DUS2: variants seen among roughly 807,000 people sequenced by gnomAD.
DUS2 encodes dihydrouridine synthase 2.
A neutral mutation model predicts 71.3 loss-of-function variants in DUS2; 52 were observed. That is an observed-to-expected ratio of 0.73 (90% CI 0.58 to 0.92). The LOEUF is 0.92. DUS2 is among the 40% of genes least tolerant of loss of function. The pLI is 0.00. For synonymous variants in DUS2, 204 were observed against 227.8 expected (o/e 0.90, Z 0.94); for missense variants, 558 against 622.6 (o/e 0.90, Z 1.10).
At chr16:68,027,444 G>A (rs970917981) in intron 2 of DUS2, among the ~76,000 whole-genome samples, 1 of 152,030 alleles carries the variant, frequency 6.6e-6, no homozygotes, top group Non-Finnish European at 1.5e-5. Context: ...CTCCATGTTG[G>A]TCAGGCTGGT....
intron 6 of DUS2, among the ~76,000 whole-genome samples, chr16:68,054,974 C>T (rs2033831499): frequency 6.6e-6 from 1 of 151,950 alleles, no homozygotes; most frequent in Non-Finnish European, 1.5e-5. Flanking sequence ...ACCCGGGAGG[C>T]AGAGGTTGCA....
chr16:68,040,716 C>T (rs2033612446), intron 3 of DUS2, among the ~76,000 whole-genome samples: 1 of 151,832 alleles, frequency 6.6e-6, no homozygotes, highest in South Asian at 2.1e-4. Context: ...GTGGCTGGGA[C>T]TGGGCCCCCG....
chr16:68,042,211 G>A (rs1217382172), intron 3 of DUS2, among the ~76,000 whole-genome samples: 1 of 151,968 alleles, frequency 6.6e-6, no homozygotes, highest in Non-Finnish European at 1.5e-5. Flanking sequence ...CTTTTTTAAG[G>A]CTGAATAATA....
At chr16:68,056,491 T>G in intron 7 of DUS2, 67 bp downstream of exon 7, 1 of 1,296,808 alleles carries the variant, frequency 7.7e-7, no homozygotes, top group Non-Finnish European at 1.1e-6. Context: ...AAGACATAAC[T>G]AAGTATAGTA....
intron 8 of DUS2, among the ~76,000 whole-genome samples, chr16:68,064,247 C>T (rs2033977286): frequency 6.6e-6 from 1 of 152,204 alleles, no homozygotes; most frequent in Admixed American, 6.5e-5. Context: ...CATTCTTTCT[C>T]CCCAAAGACT....
At position 68,066,362 on chromosome 16, in the gene DUS2, A is replaced by C; in HGVS notation, c.463A>C (p.Lys155Gln). ...AGGGACACGCAGACCTGTGACCTGC[A>C]AGATTCGCATCCTGCCATCGGTAAG... ...VKGTRRPVTC[K>Q]IRILPSLEDT... The change falls in exon 9 of 17, where the codon AAG (lysine) becomes CAG (glutamine). Residue 155 changes from lysine to glutamine, a missense_variant. Coordinates refer to ENST00000565263, the MANE Select transcript of DUS2 (RefSeq NM_017803.5). 6.2e-7 allele frequency: 1 copy of C among 1,614,200 alleles called. No homozygotes were observed. Among genetic ancestry groups the C allele is most frequent in the South Asian group, 1.1e-5 (1 of 91,088 alleles).
intron 2 of DUS2, among the ~76,000 whole-genome samples, chr16:68,037,641 A>T (rs1281985624): frequency 6.6e-6 from 1 of 151,664 alleles, no homozygotes; most frequent in African/African-American, 2.4e-5. Context: ...CTGGTCTCAA[A>T]CTCCTGACCT....
chr16:68,047,311 C>A (rs187587435), intron 3 of DUS2, among the ~76,000 whole-genome samples: 79 of 152,134 alleles, frequency 5.2e-4, no homozygotes, highest in African/African-American at 1.8e-3. Context: ...GCCTCAGCCT[C>A]CCAAAGTGCT....
chr16:68,030,766 C>A (rs1211068714), intron 2 of DUS2, among the ~76,000 whole-genome samples: 1 of 152,068 alleles, frequency 6.6e-6, no homozygotes, highest in Non-Finnish European at 1.5e-5. Flanking sequence ...GGGCCTTGCT[C>A]TGTCACCCAG....
intron 3 of DUS2, among the ~76,000 whole-genome samples, chr16:68,044,960 T>G (rs1340096428): frequency 6.6e-6 from 1 of 151,898 alleles, no homozygotes; most frequent in Non-Finnish European, 1.5e-5. Context: ...GCCTGGATAA[T>G]TTTTGTATTT....
intron 2 of DUS2, among the ~76,000 whole-genome samples, chr16:68,033,896 C>G (rs1391007287): frequency 1.3e-5 from 2 of 151,838 alleles, no homozygotes; most frequent in Non-Finnish European, 2.9e-5. Context: ...CCTCCCAAAG[C>G]ACTAGGATTA....
In DUS2 at chr16:68,060,869, A is replaced by G. The variant is rs928877676; in HGVS notation, c.370-197A>G. ...TCTCAAAAAAAAAAGAAAAAAAATT[A>G]TCACACTTCAGTCCCAGATGTTATG... On this transcript the variant is annotated intron_variant, in intron 7 of 16. Transcript: ENST00000565263. 4.6e-5 allele frequency among the ~76,000 whole-genome samples: 7 copies of G among 152,006 alleles called. 1 individual carries two copies. Among genetic ancestry groups the G allele is most frequent in the African/African-American group, 1.7e-4 (7 of 41,376 alleles).
chr16:68,065,756 G>T (rs1373815463), intron 8 of DUS2, among the ~76,000 whole-genome samples: 2 of 152,108 alleles, frequency 1.3e-5, no homozygotes, highest in Admixed American at 1.3e-4. Context: ...TGGGATTACA[G>T]GCATAAACCA....
Position 68,071,069 on chromosome 16 carries a change from G to T in DUS2, c.771G>T (p.Leu257=). ...CATCTATCTTCCTCAAGGAGGGTCT[G>T]CGGCCCCTGGAGGAGGTCATGCAGA... ...WNPSIFLKEG[L]RPLEEVMQKY... is the part of the protein sequence containing the mutation. The change falls in exon 12 of 17, where the codon CTG becomes CTT. Residue 257 remains leucine, a synonymous_variant. Transcript: ENST00000565263. 6.2e-7 allele frequency: 1 copy of T among 1,614,234 alleles called. No individual in the cohort carries two copies.
intron 4 of DUS2, among the ~76,000 whole-genome samples, chr16:68,051,021 T>G (rs566574028): frequency 6.6e-6 from 1 of 152,346 alleles, no homozygotes; most frequent in Non-Finnish European, 1.5e-5. Flanking sequence ...TAGTGCTGGA[T>G]GATAATAAAA....
chr16:68,039,974 A>G (rs1418765937), intron 3 of DUS2, among the ~76,000 whole-genome samples: 1 of 152,058 alleles, frequency 6.6e-6, no homozygotes, highest in Non-Finnish European at 1.5e-5. Context: ...GATGACTTGC[A>G]TGTTTGTAGT....
At chr16:68,063,266 C>A (rs2033964336) in intron 8 of DUS2, among the ~76,000 whole-genome samples, 1 of 152,154 alleles carries the variant, frequency 6.6e-6, no homozygotes, top group South Asian at 2.1e-4. Flanking sequence ...CCAGATGTGG[C>A]TTAGGTGTAG....
chr16:68,066,438 G>A (rs1332864764), intron 9 of DUS2, 56 bp downstream of exon 9: 1 of 1,601,598 alleles, frequency 6.2e-7, no homozygotes, highest in Non-Finnish European at 8.6e-7. Flanking sequence ...GTTGGATTTA[G>A]GTTTGTGAAC....
intron 3 of DUS2, among the ~76,000 whole-genome samples, chr16:68,041,365 G>A (rs1164710694): frequency 5.9e-5 from 9 of 152,138 alleles, no homozygotes; most frequent in Non-Finnish European, 8.8e-5. Flanking sequence ...CAGAGGCCGC[G>A]TTCCTGTTTC....
Sources: allele counts gnomAD v4.1 joint callset (sites outside exome capture counted in the v4.1 genomes callset), GRCh38; gene constraint gnomAD v4.1.1; transcripts MANE v1.5; gene names NCBI Gene and HGNC (gene_info 2026-07-23, HGNC 2026-07-21).